The following HDAC11 variants were observed in gnomAD, a reference collection of about 807,000 sequenced individuals.
HDAC11 encodes the protein histone deacetylase 11.
In HDAC11, 23 loss-of-function variants were observed where a neutral mutation model predicts 41.1. The ratio of observed to expected loss-of-function variants is 0.56; its 90% CI spans 0.40 to 0.79. The LOEUF is 0.79. HDAC11 is among the 30% of genes least tolerant of loss of function. HDAC11 has a pLI of 0.00. For missense variants in HDAC11, 402 were observed against 477.3 expected (o/e 0.84, Z 1.47); for synonymous variants, 187 against 186.6 (o/e 1.00, Z -0.02).
intron 3 of HDAC11, among the ~76,000 whole-genome samples, chr3:13,491,686 C>T (rs1048093339): frequency 6.6e-6 from 1 of 152,206 alleles, no homozygotes; most frequent in Non-Finnish European, 1.5e-5. Context: ...ATATGGCCAG[C>T]CCCAGTCATG....
Position 13,496,421 on chromosome 3 carries a change from GAC to G in HDAC11, c.253-314_253-313del, listed in dbSNP as rs1027380426. Among the ~76,000 whole-genome samples the G allele has an allele frequency of 5.6e-4, 85 of 152,204 alleles. 4 individuals are homozygous for G. The highest frequency in any genetic ancestry group is 2.9e-5 in the Non-Finnish European group (2 of 68,038). On this transcript the variant is annotated intron_variant, in intron 3 of 9. Transcript: ENST00000295757. Reference sequence around the variant, plus strand: ...AAAGCAGTCCTAGACCTGCACTGCTGACTTGGAGCCCTCTGCACCTCCTGTTC... The same window carrying G: ...AAAGCAGTCCTAGACCTGCACTGCTGTTGGAGCCCTCTGCACCTCCTGTTC...
chr3:13,503,107 C>T (rs1702449728), intron 8 of HDAC11, 127 bp downstream of exon 8: 1 of 649,800 alleles, frequency 1.5e-6, no homozygotes, highest in Admixed American at 2.8e-5. Context: ...GTGAGGTGAT[C>T]CTTTCCATTT....
intron 3 of HDAC11, among the ~76,000 whole-genome samples, chr3:13,490,066 T>G (rs983564278): frequency 7.2e-5 from 11 of 152,010 alleles, no homozygotes; most frequent in African/African-American, 2.7e-4. Context: ...CGATCTCGGC[T>G]CACTGCAACC....
rs1049993379 is a variant in HDAC11 at position 13,501,852 on chromosome 3, A to G, written c.490-19A>G. The G allele has an allele frequency of 6.2e-6, 10 of 1,612,626 alleles. No homozygotes were observed. Among genetic ancestry groups the G allele is most frequent in the Non-Finnish European group, 6.8e-6 (8 of 1,179,074 alleles). On this transcript the variant is annotated intron_variant, in intron 6 of 9. Coordinates refer to ENST00000295757, the MANE Select transcript of HDAC11 (RefSeq NM_024827.4). The stretch of plus-strand genomic sequence containing the variant: ...CTGTCCGCCCCAGATCCTCATGTCT[A>G]CCCTCTCCTCCCTGGCAGTTTCTGT...
intron 3 of HDAC11, 57 bp downstream of exon 3, chr3:13,483,621 G>A: frequency 1.4e-6 from 2 of 1,388,722 alleles, no homozygotes; most frequent in Non-Finnish European, 2.0e-6. Flanking sequence ...TGCTGGCCAG[G>A]AGTGGCCAGA....
At chr3:13,486,285 A>AG (rs1559371335) in intron 3 of HDAC11, among the ~76,000 whole-genome samples, 1 of 150,704 alleles carries the variant, frequency 6.6e-6, no homozygotes. Context: ...AAAAAAAAAA[A>AG]AAAAGAAAAA....
Position 13,504,567 on chromosome 3 carries a change from C to G in HDAC11, c.928C>G (p.Arg310Gly), listed in dbSNP as rs770589074. The change falls in exon 10 of 10, where the codon CGC becomes GGC. Residue 310 changes from arginine to glycine, a missense_variant. Physicochemically the swap from Arg to Gly is moderately radical, Grantham distance 125 (BLOSUM62 -2). Coordinates refer to ENST00000295757, the MANE Select transcript of HDAC11 (RefSeq NM_024827.4). ...AGGCGGGTACCAGAAGCGCACAGCC[C>G]GCATCATTGCTGACTCCATACTTAA... ...TSGGYQKRTA[R>G]IIADSILNLF... 1.1e-5 allele frequency: 18 copies of G among 1,613,564 alleles called. No individual in the cohort carries two copies. The highest frequency in any genetic ancestry group is 1.5e-5 in the Non-Finnish European group (18 of 1,180,036).
At chr3:13,495,550 C>T (rs1702057754) in intron 3 of HDAC11, among the ~76,000 whole-genome samples, 1 of 152,150 alleles carries the variant, frequency 6.6e-6, no homozygotes, top group African/African-American at 2.4e-5. Flanking sequence ...TCTCATGCTT[C>T]CTCTCTAGGG....
In HDAC11 at chr3:13,504,674, A is replaced by G. The variant is rs1298092728; in HGVS notation, c.1035A>G (p.Ala345=). ...QNSDTPLLPP[A]VP ...CAGACACACCGCTGCTTCCCCCTGC[A>G]GTGCCCTGACCCTTGCTGCCCTGCC... is the stretch of plus-strand genomic sequence containing the variant. Residue 345 remains alanine (A), a synonymous_variant, in exon 10 of 10, where the codon GCA becomes GCG. Transcript: ENST00000295757. The G allele has an allele frequency of 8.7e-6, 14 of 1,613,484 alleles. No homozygotes were observed. Among genetic ancestry groups the G allele is most frequent in the South Asian group, 4.4e-5 (4 of 91,084 alleles).
At chr3:13,493,988 C>T (rs1012430988) in intron 3 of HDAC11, among the ~76,000 whole-genome samples, 1 of 152,318 alleles carries the variant, frequency 6.6e-6, no homozygotes, top group East Asian at 1.9e-4. Flanking sequence ...CTGGGGGGAG[C>T]AAAGTTAGAA....
chr3:13,501,679 G>A (rs533399887), intron 6 of HDAC11, 192 bp from the exon 7 acceptor site: 4 of 716,262 alleles, frequency 5.6e-6, no homozygotes, highest in South Asian at 4.5e-5. Context: ...ACCACCTCCT[G>A]CATGCACACA....
chr3:13,504,474 G>T lies in HDAC11; in HGVS notation c.835G>T (p.Val279Leu). The T allele has an allele frequency of 6.2e-7, 1 of 1,613,204 alleles. No homozygotes were observed. Among genetic ancestry groups the T allele is most frequent in the African/African-American group, 1.3e-5 (1 of 75,060 alleles). ...GGLSISPAGIVKRDELVFRMV... is the reference protein window; with the variant it reads ...GGLSISPAGILKRDELVFRMV... ...CCTCCTCTTCCCCTAACAGGGCATC[G>T]TGAAGCGGGATGAGCTGGTGTTCCG... The change falls in exon 10 of 10, where the codon GTG (valine) becomes TTG (leucine). Residue 279 changes from valine to leucine, a missense_variant. Physicochemically the swap from Val to Leu is conservative, Grantham distance 32. Transcript: ENST00000295757.
At chr3:13,481,458 A>C in intron 2 of HDAC11, 64 bp downstream of exon 2, 8 of 1,573,288 alleles carry the variant, frequency 5.1e-6, no homozygotes, top group Non-Finnish European at 7.0e-6. Flanking sequence ...CTCCGTCCTC[A>C]TCCCCAACAT....
chr3:13,483,398 A>C, intron 2 of HDAC11, 66 bp from the exon 3 acceptor site: 1 of 1,340,220 alleles, frequency 7.5e-7, no homozygotes, highest in Non-Finnish European at 1.1e-6. Context: ...AGCCTGTGGG[A>C]GGGTCTGGGG....
At chr3:13,486,166 C>T (rs1701555359) in intron 3 of HDAC11, among the ~76,000 whole-genome samples, 1 of 146,748 alleles carries the variant, frequency 6.8e-6, no homozygotes, top group African/African-American at 2.5e-5. Flanking sequence ...ACCTGGGAGG[C>T]TGAGGCAGGA....
At chr3:13,501,583 T>C in intron 6 of HDAC11, 1 of 653,594 alleles carries the variant, frequency 1.5e-6, no homozygotes, top group South Asian at 1.5e-5. Flanking sequence ...TCTGGGAAAA[T>C]CCAGGGCCTG....
rs765985476 is a variant in HDAC11 at position 13,496,762 on chromosome 3, A to C, written c.279A>C (p.Thr93=). ...LKWSFAVATI[T]EIPPVIFLPN... ...GGTCCTTTGCTGTTGCTACCATCACAGAAATCCCCCCCGTTATCTTCCTCC... is the reference window on the plus strand; with the variant it reads ...GGTCCTTTGCTGTTGCTACCATCACCGAAATCCCCCCCGTTATCTTCCTCC... Residue 93 remains threonine (T), a synonymous_variant, in exon 4 of 10, where the codon ACA becomes ACC. Transcript: ENST00000295757. The C allele has an allele frequency of 6.2e-7, 1 of 1,607,638 alleles. No individual in the cohort carries two copies. The highest frequency in any genetic ancestry group is 1.1e-5 in the South Asian group (1 of 90,136).
chr3:13,494,731 G>A (rs1363563198), intron 3 of HDAC11, among the ~76,000 whole-genome samples: 2 of 152,216 alleles, frequency 1.3e-5, no homozygotes, highest in East Asian at 2.0e-4. Context: ...GCCTTCAGCC[G>A]CCCTTGCCGG....
rs2125012097 is a variant in HDAC11, at chr3:13,502,955, C to A, written c.624C>A (p.Ile208=). The change falls in exon 8 of 10, where the codon ATC becomes ATA. Residue 208 remains isoleucine (I), a synonymous_variant. Coordinates refer to ENST00000295757, the MANE Select transcript of HDAC11 (RefSeq NM_024827.4). This position sits in a 1 kb window ranked among gnomAD's most constrained non-coding sequence, Gnocchi z 4.1. ...VYIMDVYNRH[I]YPGDRFAKQA... is the part of the protein sequence containing the mutation. ...TCATGGATGTCTACAACCGCCACATCTACCCAGGGGACCGCTTTGCCAAGC... is the reference window on the plus strand; with the variant it reads ...TCATGGATGTCTACAACCGCCACATATACCCAGGGGACCGCTTTGCCAAGC... The A allele has an allele frequency of 1.2e-6, 2 of 1,613,750 alleles. No homozygotes were observed. The highest frequency in any genetic ancestry group is 1.7e-6 in the Non-Finnish European group (2 of 1,179,794).
Sources: gnomAD v4.1 joint callset for allele counts (sites outside exome capture counted in the v4.1 genomes callset) on GRCh38, gnomAD v4.1.1 for gene constraint, Gnocchi (gnomAD v3.1) non-coding constraint, MANE v1.5 for transcripts, NCBI Gene and HGNC (gene_info 2026-07-23, HGNC 2026-07-21) for gene names.